SP100: variants seen among roughly 807,000 people sequenced by gnomAD.
SP100 encodes nuclear autoantigen Sp-100.
Under a neutral mutation model 130.0 loss-of-function variants are expected in SP100, and 84 were observed. The observed-to-expected ratio is 0.65, with a 90% CI of 0.54 to 0.77. The LOEUF is 0.77. SP100 is among the 30% of genes least tolerant of loss of function. SP100 has a pLI of 0.00. For synonymous variants in SP100, 331 were observed against 351.7 expected, an observed-to-expected ratio of 0.94 and a Z score of 0.66; for missense variants, 978 against 1,052.2, an observed-to-expected ratio of 0.93 and a Z score of 0.97.
At chr2:230,528,070 C>T (rs1290434466) in intron 24 of SP100, among the ~76,000 whole-genome samples, 1 of 152,128 alleles carries the variant, frequency 6.6e-6, no homozygotes, top group Non-Finnish European at 1.5e-5. Context: ...AGCTCTGGAC[C>T]AAGCAGACCT....
In SP100 at chr2:230,461,275, G is replaced by A; in HGVS notation, c.834G>A (p.Glu278=). ...TATTACAATTAGGCCCAGAGGCAGAGCTACACAACCATGGAATCCAAATTA... is the reference window on the plus strand; with the variant it reads ...TATTACAATTAGGCCCAGAGGCAGAACTACACAACCATGGAATCCAAATTA... The part of the protein sequence containing the change: ...LPCDEESPEA[E]LHNHGIQINS... Residue 278 remains glutamate (E), a synonymous_variant, in exon 9 of 29, where the codon GAG becomes GAA. Coordinates refer to ENST00000340126, the MANE Select transcript of SP100 (RefSeq NM_001080391.2). The A allele has an allele frequency of 6.2e-7, 1 of 1,614,024 alleles. No homozygotes were observed.
chr2:230,484,027 G>A (rs937456707), intron 17 of SP100, among the ~76,000 whole-genome samples: 1 of 152,144 alleles, frequency 6.6e-6, no homozygotes, highest in African/African-American at 2.4e-5. Flanking sequence ...TCTAACACAT[G>A]TACTTTCTGT....
chr2:230,534,539 C>T (rs965670394), intron 24 of SP100, among the ~76,000 whole-genome samples: 10 of 152,178 alleles, frequency 6.6e-5, no homozygotes, highest in African/African-American at 1.4e-4. Flanking sequence ...GTTCTAAATT[C>T]GGCCTTTTTG....
chr2:230,514,505 G>T (rs1472275753), intron 24 of SP100, among the ~76,000 whole-genome samples: 6 of 152,252 alleles, frequency 3.9e-5, no homozygotes, highest in Non-Finnish European at 8.8e-5. Context: ...ATAATGGTCT[G>T]GGCTAGAATC....
chr2:230,498,789 T>C (rs1659136776), intron 19 of SP100, among the ~76,000 whole-genome samples: 1 of 152,100 alleles, frequency 6.6e-6, no homozygotes, highest in Non-Finnish European at 1.5e-5. Context: ...GCTGATAACT[T>C]TCAAGGCTGG....
chr2:230,431,016 G>T (rs1230668714), intron 2 of SP100, among the ~76,000 whole-genome samples: 2 of 152,198 alleles, frequency 1.3e-5, no homozygotes, highest in Non-Finnish European at 2.9e-5. Flanking sequence ...AGGTGGGCTG[G>T]GCTGCTGGCT....
chr2:230,535,492 A>AT (rs1467214550), intron 24 of SP100, among the ~76,000 whole-genome samples: 1 of 152,204 alleles, frequency 6.6e-6, no homozygotes, highest in Non-Finnish European at 1.5e-5. Context: ...TGAGAGGAGC[A>AT]TTACTCTTGT....
intron 2 of SP100, among the ~76,000 whole-genome samples, chr2:230,439,670 G>T (rs1332595295): frequency 6.6e-6 from 1 of 151,920 alleles, no homozygotes; most frequent in Non-Finnish European, 1.5e-5. Flanking sequence ...ATCATTGTTG[G>T]TGTATAGCAG....
intron 24 of SP100, among the ~76,000 whole-genome samples, chr2:230,537,479 CCCATAGGG>C (rs1181563207): frequency 2.0e-5 from 3 of 152,098 alleles, no homozygotes; most frequent in Non-Finnish European, 4.4e-5. Flanking sequence ...CTAAGGGAGA[CCCATAGGG>C]CCATTTCTTA....
At chr2:230,437,080 A>G (rs972375713) in intron 2 of SP100, among the ~76,000 whole-genome samples, 2 of 152,192 alleles carry the variant, frequency 1.3e-5, no homozygotes, top group Non-Finnish European at 2.9e-5. Flanking sequence ...TGACTTCACC[A>G]TTAATGTTTA....
intron 24 of SP100, among the ~76,000 whole-genome samples, chr2:230,517,578 A>T (rs192525532): frequency 6.6e-6 from 1 of 152,166 alleles, no homozygotes; most frequent in East Asian, 1.9e-4. Context: ...CCTGGTCAAC[A>T]TGGTGAAACT....
intron 17 of SP100, among the ~76,000 whole-genome samples, chr2:230,476,826 C>A (rs1161504356): frequency 6.6e-6 from 1 of 152,000 alleles, no homozygotes; most frequent in African/African-American, 2.4e-5. Flanking sequence ...TCATAAAACT[C>A]TTTGTCAGAG....
Position 230,449,157 on chromosome 2 carries a change from TC to T in SP100, c.586+9del, listed in dbSNP as rs771755845. ...GGTTCCCCATCTCATGCTGGTTTGT[TC>T]CTGTTTACTACTCTTTGAGCCTCTG... is the stretch of plus-strand genomic sequence containing the variant. On this transcript the variant is annotated splice_region_variant and intron_variant, in intron 6 of 28. Transcript: ENST00000340126. 4 of 1,614,000 alleles carry T rather than the reference TC, an allele frequency of 2.5e-6. No individual in the cohort carries two copies. The East Asian group carries it at 6.7e-5, about 27-fold the overall frequency.
Position 230,466,243 on chromosome 2 carries a change from C to A in SP100, c.1142-58C>A. The stretch of plus-strand genomic sequence containing the variant: ...CAAGCCCATTTGCCATGTCAGTTGT[C>A]ATAGAATTTATAAGTCTCTTGCATA... On this transcript the variant is annotated intron_variant, in intron 11 of 28. Transcript: ENST00000340126. The A allele has an allele frequency of 3.4e-6, 3 of 885,446 alleles. No homozygotes were observed. The South Asian group carries it at 4.6e-5, about 14-fold the overall frequency. The allele number at this position is 885,446 out of a possible 1,614,324, so 54.8% of individuals were successfully genotyped here. A position where few individuals can be genotyped will look rare whatever the true frequency, so the allele number is the denominator to read the frequency against.
chr2:230,462,024 A>C (rs1340205177), intron 9 of SP100, among the ~76,000 whole-genome samples: 1 of 152,096 alleles, frequency 6.6e-6, no homozygotes, highest in Non-Finnish European at 1.5e-5. Context: ...GTTAAAAAAA[A>C]AATCAGAGAG....
intron 24 of SP100, chr2:230,515,386 A>G (rs769003468): frequency 8.7e-6 from 14 of 1,613,910 alleles, no homozygotes; most frequent in Admixed American, 1.7e-5. Flanking sequence ...TGGCCTGTCC[A>G]TTGATGATGT....
chr2:230,421,865 C>T (rs1020164194), intron 2 of SP100, among the ~76,000 whole-genome samples: 14 of 152,054 alleles, frequency 9.2e-5, no homozygotes, highest in Admixed American at 9.2e-4. Context: ...CTCTCCAGGG[C>T]CCTTTCAAAT....
chr2:230,503,473 C>A (rs1364707313), intron 20 of SP100, among the ~76,000 whole-genome samples: 2 of 151,998 alleles, frequency 1.3e-5, no homozygotes, highest in African/African-American at 4.8e-5. Flanking sequence ...TTTTTTGATG[C>A]CAGGAACATT....
At chr2:230,453,081 T>G (rs1040151239) in intron 8 of SP100, among the ~76,000 whole-genome samples, 9 of 152,036 alleles carry the variant, frequency 5.9e-5, no homozygotes, top group Non-Finnish European at 8.8e-5. Context: ...GACTCAAGAG[T>G]TCAGCATGGC....
Sources: allele counts gnomAD v4.1 joint callset (sites outside exome capture counted in the v4.1 genomes callset), GRCh38; gene constraint gnomAD v4.1.1; transcripts MANE v1.5; gene names NCBI Gene and HGNC (gene_info 2026-07-23, HGNC 2026-07-21).